CDH18: variants seen among roughly 807,000 people sequenced by gnomAD.
CDH18 encodes cadherin-18.
In CDH18, 31 loss-of-function variants were observed where a neutral mutation model predicts 67.9. That is an observed-to-expected ratio of 0.46 (90% CI 0.34 to 0.62). CDH18 has a LOEUF of 0.62. Ranked by LOEUF, CDH18 falls within the 20% of genes least tolerant of loss-of-function variation. The pLI, the probability that CDH18 is intolerant of heterozygous loss-of-function variation, is 0.01. For missense variants in CDH18, 890 were observed against 975.5 expected (o/e 0.91, Z 1.17); for synonymous variants, 362 against 347.2 (o/e 1.04, Z -0.48).
chr5:19,958,756 T>C (rs1414612400), intron 2 of CDH18, among the ~76,000 whole-genome samples: 1 of 152,018 alleles, frequency 6.6e-6, no homozygotes, highest in Non-Finnish European at 1.5e-5. Flanking sequence ...CTTTGGAAAG[T>C]CTGGAAGTAA....
At chr5:20,507,945 A>G (rs1188937526) in intron 1 of CDH18, among the ~76,000 whole-genome samples, 1 of 152,118 alleles carries the variant, frequency 6.6e-6, no homozygotes, top group Non-Finnish European at 1.5e-5. Flanking sequence ...TGAAAACAGT[A>G]TAGCCTCACT....
intron 7 of CDH18, among the ~76,000 whole-genome samples, chr5:19,574,856 C>T (rs10071185): frequency 0.037 from 5,652 of 151,922 alleles, 297 homozygotes; most frequent in African/African-American, 0.12. Flanking sequence ...GTGGCTAACA[C>T]GGTGACACCC....
At chr5:20,205,426 T>C (rs1170001942) in intron 2 of CDH18, among the ~76,000 whole-genome samples, 1 of 151,926 alleles carries the variant, frequency 6.6e-6, no homozygotes, top group East Asian at 1.9e-4. Flanking sequence ...TGCAATATTA[T>C]AGTAGTAAGG....
chr5:20,256,380 T>G (rs957269826), intron 1 of CDH18, among the ~76,000 whole-genome samples: 5 of 152,098 alleles, frequency 3.3e-5, no homozygotes, highest in Non-Finnish European at 5.9e-5. Context: ...CAATGTGATT[T>G]GATATACGAT....
At chr5:19,499,623 T>C (rs1028344015) in intron 11 of CDH18, among the ~76,000 whole-genome samples, 1 of 152,134 alleles carries the variant, frequency 6.6e-6, no homozygotes, top group African/African-American at 2.4e-5. Context: ...TTATCTTTTT[T>C]GTAAATATGT....
intron 9 of CDH18, among the ~76,000 whole-genome samples, chr5:19,524,917 T>C (rs1181894763): frequency 6.6e-6 from 1 of 152,062 alleles, no homozygotes; most frequent in Non-Finnish European, 1.5e-5. Context: ...GGCTAATTTA[T>C]TGTGTTTTTA....
chr5:19,638,192 A>G (rs1753441466), intron 5 of CDH18, among the ~76,000 whole-genome samples: 1 of 152,254 alleles, frequency 6.6e-6, no homozygotes, highest in Non-Finnish European at 1.5e-5. Flanking sequence ...CAAGATGATC[A>G]TTAATGTTGC....
intron 2 of CDH18, among the ~76,000 whole-genome samples, chr5:20,151,325 C>A (rs1417754506): frequency 6.6e-6 from 1 of 152,050 alleles, no homozygotes; most frequent in Non-Finnish European, 1.5e-5. Flanking sequence ...AATTGTATTC[C>A]TTTTTATGGC....
chr5:19,818,368 A>G (rs1350923175), intron 3 of CDH18, among the ~76,000 whole-genome samples: 1 of 152,146 alleles, frequency 6.6e-6, no homozygotes, highest in Non-Finnish European at 1.5e-5. Flanking sequence ...GTAATATCTT[A>G]AGTAAAATTA....
At chr5:20,536,217 G>C (rs929082833) in intron 1 of CDH18, among the ~76,000 whole-genome samples, 4 of 152,068 alleles carry the variant, frequency 2.6e-5, no homozygotes, top group African/African-American at 9.7e-5. Context: ...ATCAGTTGGA[G>C]AATGTGCTTT....
intron 2 of CDH18, among the ~76,000 whole-genome samples, chr5:20,248,012 T>A (rs1179073408): frequency 6.6e-6 from 1 of 152,142 alleles, no homozygotes; most frequent in Non-Finnish European, 1.5e-5. Context: ...TAAATAATTA[T>A]TTTACTTTAC....
intron 2 of CDH18, among the ~76,000 whole-genome samples, chr5:20,004,449 G>C (rs74734027): frequency 2.6e-5 from 4 of 152,078 alleles, no homozygotes; most frequent in East Asian, 3.9e-4. Context: ...TTAAAGGGTG[G>C]GGTCGATTGG....
At chr5:20,569,888 G>A (rs1365821054) in intron 1 of CDH18, among the ~76,000 whole-genome samples, 1 of 152,080 alleles carries the variant, frequency 6.6e-6, no homozygotes, top group Non-Finnish European at 1.5e-5. Context: ...AGATATTGAA[G>A]CACTTTAAAT....
At chr5:19,983,797 G>A (rs1409568597) in intron 1 of CDH18, among the ~76,000 whole-genome samples, 3 of 152,206 alleles carry the variant, frequency 2.0e-5, no homozygotes, top group African/African-American at 7.2e-5. Context: ...ACTACCAGCA[G>A]TGATAGAGGT....
chr5:19,981,659 A>C (rs1799051065), intron 1 of CDH18, among the ~76,000 whole-genome samples: 1 of 152,168 alleles, frequency 6.6e-6, no homozygotes, highest in Non-Finnish European at 1.5e-5. Context: ...CAAGACATGA[A>C]TTTTGAGGGA....
At chr5:20,366,388 T>A (rs1478165711) in intron 1 of CDH18, among the ~76,000 whole-genome samples, 1 of 152,240 alleles carries the variant, frequency 6.6e-6, no homozygotes, top group Admixed American at 6.5e-5. Context: ...CCTGTTCCAA[T>A]GACATGTCCT....
intron 2 of CDH18, among the ~76,000 whole-genome samples, chr5:20,072,091 T>C (rs1471969996): frequency 1.3e-5 from 2 of 152,086 alleles, no homozygotes; most frequent in Non-Finnish European, 2.9e-5. Context: ...CAACTGTTTC[T>C]CCATCATTCT....
chr5:19,901,023 C>A (rs1277619873), intron 2 of CDH18, among the ~76,000 whole-genome samples: 1 of 152,124 alleles, frequency 6.6e-6, no homozygotes, highest in Non-Finnish European at 1.5e-5. Context: ...TATTTAACTT[C>A]TCTGAGATTT....
At chr5:20,121,963 A>T (rs943505001) in intron 2 of CDH18, among the ~76,000 whole-genome samples, 61 of 152,200 alleles carry the variant, frequency 4.0e-4, no homozygotes, top group African/African-American at 1.3e-3. Flanking sequence ...TGCACACGGA[A>T]TGTGGGCTTC....
Sources: gnomAD v4.1 joint callset for allele counts (sites outside exome capture counted in the v4.1 genomes callset) on GRCh38, gnomAD v4.1.1 for gene constraint, MANE v1.5 for transcripts, NCBI Gene and HGNC (gene_info 2026-07-23, HGNC 2026-07-21) for gene names.